Variants in PRSS57 observed in about 807,000 individuals in gnomAD.
PRSS57 encodes the protein neutrophil serine protease 4.
PRSS57 carries 19 observed loss-of-function variants against 20.6 expected under a neutral mutation model. The ratio of observed to expected loss-of-function variants is 0.92; its 90% CI spans 0.64 to 1.35. The LOEUF (loss-of-function observed/expected upper bound fraction) is 1.35. PRSS57 is among the 40% of genes most tolerant of loss of function. The pLI, the probability that PRSS57 is intolerant of heterozygous loss-of-function variation, is 0.00. For synonymous variants in PRSS57, 203 were observed against 176.6 expected (o/e 1.15, Z -1.19); for missense variants, 440 against 403.7 (o/e 1.09, Z -0.77).
chr19:691,135 C>A, intron 3 of PRSS57: 1 of 218,396 alleles, frequency 4.6e-6, no homozygotes, highest in South Asian at 9.3e-5. Flanking sequence ...ACACCAGAGT[C>A]TCCGTGCAGA....
intron 4 of PRSS57, 110 bp downstream of exon 4, chr19:686,815 G>T: frequency 7.4e-7 from 1 of 1,354,446 alleles, no homozygotes; most frequent in South Asian, 1.4e-5. Context: ...TTCTCCGTCT[G>T]GTCCAACATC....
At chr19:687,951 C>T (rs2031525083) in intron 3 of PRSS57, among the ~76,000 whole-genome samples, 1 of 152,214 alleles carries the variant, frequency 6.6e-6, no homozygotes. Context: ...TGGATGCCAC[C>T]TCTTCCAGGA....
In PRSS57 at chr19:694,940, C is replaced by T. The variant is rs779650469; in HGVS notation, c.107G>A (p.Gly36Asp). The change falls in exon 2 of 5, where the codon GGC becomes GAC. Residue 36 changes from glycine to aspartate, a missense_variant. Physicochemically the swap from Gly to Asp is moderately conservative, Grantham distance 94. Transcript: ENST00000329267. ...PGSWGAQIIG[G>D]HEVTPHSRPY... ...CCTGGAGTGGGGGGTCACCTCGTGGCCCCCGATGATCTGGGCCCCCCAGGA... is the reference window on the plus strand; with the variant it reads ...CCTGGAGTGGGGGGTCACCTCGTGGTCCCCGATGATCTGGGCCCCCCAGGA... The T allele has an allele frequency of 1.0e-5, 16 of 1,572,356 alleles. No homozygotes were observed. The highest frequency in any genetic ancestry group is 1.4e-5 in the African/African-American group (1 of 73,436).
At chr19:691,050 C>T (rs1291500654) in intron 3 of PRSS57, 3 of 309,994 alleles carry the variant, frequency 9.7e-6, no homozygotes, top group Non-Finnish European at 1.9e-5. Flanking sequence ...CTAAGACCTA[C>T]AGCTGCCTGA....
intron 3 of PRSS57, 84 bp from the exon 4 acceptor site, chr19:687,272 C>T (rs2039104833): frequency 8.5e-6 from 12 of 1,407,668 alleles, no homozygotes; most frequent in Non-Finnish European, 1.9e-6. Flanking sequence ...ACCCCTGGTC[C>T]TGCCCTTGTG....
chr19:693,108 T>G (rs558121753), intron 2 of PRSS57, among the ~76,000 whole-genome samples: 64 of 151,958 alleles, frequency 4.2e-4, no homozygotes, highest in Middle Eastern at 6.8e-3. Flanking sequence ...TTTGTATTTT[T>G]TTTTAGTAGA....
In PRSS57 at chr19:685,890, G is replaced by C; in HGVS notation, c.675C>G (p.Asn225Lys). The C allele has an allele frequency of 1.3e-6, 2 of 1,551,124 alleles. No homozygotes were observed. Among genetic ancestry groups the C allele is most frequent in the Non-Finnish European group, 1.7e-6 (2 of 1,147,506 alleles). Residue 225 changes from asparagine to lysine, a missense_variant, in exon 5 of 5, where the codon AAC becomes AAG. Coordinates refer to ENST00000329267, the MANE Select transcript of PRSS57 (RefSeq NM_001308209.2). ...ADSGGPLVCRNRAHGLVSFSG... is the reference protein window; with the variant it reads ...ADSGGPLVCRKRAHGLVSFSG... Reference sequence around the variant, plus strand: ...AGAAGGAAACGAGGCCGTGAGCCCGGTTCCTGCACACCAGGGGCCCTCCGG... The same window carrying C: ...AGAAGGAAACGAGGCCGTGAGCCCGCTTCCTGCACACCAGGGGCCCTCCGG...
chr19:694,466 G>C (rs62131274), intron 2 of PRSS57, among the ~76,000 whole-genome samples: 1 of 150,854 alleles, frequency 6.6e-6, no homozygotes, highest in Non-Finnish European at 1.5e-5. Context: ...TACTCGGGAA[G>C]CTGAGGCAGG....
chr19:693,028 C>T (rs891930985), intron 2 of PRSS57, among the ~76,000 whole-genome samples: 8 of 150,370 alleles, frequency 5.3e-5, no homozygotes, highest in South Asian at 2.1e-4. Context: ...CCCGGGTTCA[C>T]GCCATTCTCC....
chr19:695,336 C>A lies in PRSS57; in HGVS notation c.79+16G>T. 1 of 1,241,880 alleles carries A rather than the reference C, an allele frequency of 8.1e-7. No homozygotes were observed. Among genetic ancestry groups the A allele is most frequent in the Non-Finnish European group, 1.0e-6 (1 of 984,102 alleles). 76.9% of individuals were successfully genotyped at this position (1,241,880 alleles called of 1,614,324 possible). On this transcript the variant is annotated intron_variant, in intron 1 of 4. Coordinates refer to ENST00000329267, the MANE Select transcript of PRSS57 (RefSeq NM_001308209.2). ...CTTGGCGGGGGCCTGGGTGGGGATC[C>A]CGGGGGGCTCCTCACCGGGGGGCTT...
chr19:693,330 C>T (rs1459231252), intron 2 of PRSS57, among the ~76,000 whole-genome samples: 2 of 145,232 alleles, frequency 1.4e-5, no homozygotes, highest in Non-Finnish European at 3.0e-5. Context: ...CAGGCTCAAG[C>T]GATCCTCCCA....
intron 3 of PRSS57, among the ~76,000 whole-genome samples, chr19:689,168 T>C (rs1359841897): frequency 2.0e-5 from 2 of 102,002 alleles, no homozygotes; most frequent in African/African-American, 8.2e-5. Context: ...GGTCCAGGGG[T>C]TAGCAGGTGA....
In PRSS57 at chr19:686,985, G is replaced by A. The variant is rs1355620857; in HGVS notation, c.582C>T (p.His194=). 6.2e-7 allele frequency: 1 copy of A among 1,613,992 alleles called. No individual in the cohort carries two copies. Among genetic ancestry groups the A allele is most frequent in the Non-Finnish European group, 8.5e-7 (1 of 1,180,028 alleles). Residue 194 remains histidine, a synonymous_variant, in exon 4 of 5, where the codon CAC becomes CAT. Transcript: ENST00000329267. ...PDVCNSSWKG[H]LTLTMLCTRS... is the part of the protein sequence containing the mutation. ...GGGTGCAGAGCATGGTAAGTGTCAG[G>A]TGGCCCTTCCAGGAGCTGTTGCAGA... is the stretch of plus-strand genomic sequence containing the variant.
intron 1 of PRSS57, 102 bp from the exon 2 acceptor site, chr19:695,069 G>A (rs2031753603): frequency 1.7e-6 from 2 of 1,156,150 alleles, no homozygotes; most frequent in East Asian, 3.0e-5. Flanking sequence ...AGAGACAGGG[G>A]GTGAGATTAG....
chr19:693,152 C>T (rs188358010), intron 2 of PRSS57, among the ~76,000 whole-genome samples: 197 of 150,726 alleles, frequency 1.3e-3, no homozygotes, highest in African/African-American at 4.5e-3. Context: ...AGGACAGTCT[C>T]GATCTCCTGA....
Position 685,795 on chromosome 19 carries a change from A to C in PRSS57, c.770T>G (p.Ile257Ser), listed in dbSNP as rs1237496584. 1.9e-6 allele frequency: 3 copies of C among 1,566,356 alleles called. No individual in the cohort carries two copies. The highest frequency in any genetic ancestry group is 2.6e-6 in the Non-Finnish European group (3 of 1,155,060). Residue 257 changes from isoleucine to serine, a missense_variant, in exon 5 of 5, where the codon ATC becomes AGC. Coordinates refer to ENST00000329267, the MANE Select transcript of PRSS57 (RefSeq NM_001308209.2). ...YTQVSAFVAW[I>S]WDVVRRSSPQ... ...ACTGCTCCGCCGAACCACGTCCCAG[A>C]TCCAGGCCACAAAGGCGGACACCTG...
chr19:691,913 G>A lies in PRSS57; in HGVS notation c.323C>T (p.Thr108Ile), dbSNP rs779649736. 7.5e-7 allele frequency: 1 copy of A among 1,338,630 alleles called. No individual in the cohort carries two copies. The highest frequency in any genetic ancestry group is 9.7e-7 in the Non-Finnish European group (1 of 1,035,370). 82.9% of individuals were successfully genotyped at this position (1,338,630 alleles called of 1,614,324 possible). Residue 108 changes from threonine to isoleucine, a missense_variant, in exon 3 of 5, where the codon ACC becomes ATC. By Grantham distance (89) the Thr-to-Ile change is moderately conservative (BLOSUM62 -1). Transcript: ENST00000329267. ...TQQVFGIDAL[T>I]THPDYHPMTH... is the part of the protein sequence containing the mutation. ...CATGGGGTGGTAGTCGGGGTGTGTG[G>A]TGAGAGCATCGATGCCAAACACCTG...
At chr19:685,960 AGCT>A in intron 4 of PRSS57, 38 bp from the exon 5 acceptor site, 1 of 1,492,540 alleles carries the variant, frequency 6.7e-7, no homozygotes, top group Non-Finnish European at 9.0e-7. Flanking sequence ...GGCCTCTGGG[AGCT>A]GCTGCAGGCA....
At chr19:693,840 C>T (rs932729610) in intron 2 of PRSS57, among the ~76,000 whole-genome samples, 4 of 152,168 alleles carry the variant, frequency 2.6e-5, no homozygotes, top group African/African-American at 4.8e-5. Context: ...CCCGGGTTCA[C>T]GCCATTCTCC....
Sources: allele counts gnomAD v4.1 joint callset (sites outside exome capture counted in the v4.1 genomes callset), GRCh38; gene constraint gnomAD v4.1.1; transcripts MANE v1.5; gene names NCBI Gene and HGNC (gene_info 2026-07-23, HGNC 2026-07-21).